Variants in EPB41 observed in about 807,000 individuals in gnomAD.
EPB41 encodes erythrocyte membrane protein band 4.1.
A neutral mutation model predicts 108.0 loss-of-function variants in EPB41; 65 were observed. The ratio of observed to expected loss-of-function variants is 0.60; its 90% CI spans 0.49 to 0.74. EPB41 has a LOEUF of 0.74. EPB41 is among the 30% of genes least tolerant of loss of function. The pLI is 0.00. For synonymous variants in EPB41, 336 were observed against 358.9 expected, an observed-to-expected ratio of 0.94 and a Z score of 0.72; for missense variants, 875 against 1,037.0, an observed-to-expected ratio of 0.84 and a Z score of 2.15.
chr1:28,951,274 G>A (rs1322720569), intron 1 of EPB41, among the ~76,000 whole-genome samples: 2 of 151,814 alleles, frequency 1.3e-5, no homozygotes, highest in East Asian at 3.9e-4. Context: ...AGTGGCATGG[G>A]CCTGTAGTCA....
At chr1:28,888,060 C>G (rs1005046775) in intron 1 of EPB41, among the ~76,000 whole-genome samples, 2 of 152,258 alleles carry the variant, frequency 1.3e-5, no homozygotes, top group African/African-American at 4.8e-5. Flanking sequence ...AGGCAGGGAC[C>G]TGTCCAGACC....
At chr1:29,001,739 G>A (rs2096296328) in intron 4 of EPB41, among the ~76,000 whole-genome samples, 1 of 152,126 alleles carries the variant, frequency 6.6e-6, no homozygotes, top group Non-Finnish European at 1.5e-5. Flanking sequence ...TTGATCTTTT[G>A]TATGACTTTT....
intron 11 of EPB41, among the ~76,000 whole-genome samples, chr1:29,051,605 TAA>T (rs1345914121): frequency 2.0e-5 from 3 of 152,092 alleles, no homozygotes; most frequent in Admixed American, 6.6e-5. Flanking sequence ...GATTAAAATA[TAA>T]GAGTCTTGGC....
rs1315360536 is a variant in EPB41, at chr1:29,118,835, C to G, written c.*2023C>G. The G allele has an allele frequency of 1.3e-5, 2 of 152,214 alleles. No homozygotes were observed. The highest frequency in any genetic ancestry group is 2.9e-5 in the Non-Finnish European group (2 of 68,054). The allele number at this position is 152,214 out of a possible 1,614,324, so 9.4% of individuals were successfully genotyped here. A position where few individuals can be genotyped will look rare whatever the true frequency, so the allele number is the denominator to read the frequency against. ...TAGTGCCCAAGCCTGGTCGTGTTGC[C>G]AGGAGTGGTGACAAGAAATGCAGCT... On this transcript the variant is annotated 3_prime_UTR_variant, in exon 21 of 21. Transcript: ENST00000343067.
rs1000130058 is a variant in EPB41 at position 28,971,180 on chromosome 1, CTTTTTTTTTTTTT to C, written c.-7-16240_-7-16228del. On this transcript the variant is annotated intron_variant, in intron 1 of 20. Transcript: ENST00000343067. ...ATCTTTTTTTTTTCTTTCTTTCTTT[CTTTTTTTTTTTTT>C]TTTTTTTTTTGGGACAGTGTCCCTC... Among the ~76,000 whole-genome samples the C allele has an allele frequency of 7.9e-3, 526 of 66,354 alleles. 3 individuals carry two copies. Among genetic ancestry groups the C allele is most frequent in the African/African-American group, 0.033 (503 of 15,316 alleles). The allele number at this position is 66,354 out of a possible 152,430, so 43.5% of individuals were successfully genotyped here.
At chr1:29,012,847 C>T (rs1335641363) in intron 5 of EPB41, among the ~76,000 whole-genome samples, 2 of 152,028 alleles carry the variant, frequency 1.3e-5, no homozygotes, top group Admixed American at 6.6e-5. Context: ...TGCTTTCTAC[C>T]TATAAAAGCT....
chr1:29,104,105 C>T (rs1349676523), intron 17 of EPB41, among the ~76,000 whole-genome samples: 1 of 152,190 alleles, frequency 6.6e-6, no homozygotes, highest in Admixed American at 6.5e-5. Flanking sequence ...CGCCATGTGC[C>T]TCAGTTTCCT....
At chr1:29,069,529 T>A (rs1252236387) in intron 16 of EPB41, 15 of 931,692 alleles carry the variant, frequency 1.6e-5, no homozygotes, top group Non-Finnish European at 1.9e-5. Context: ...TTAAAATGTA[T>A]AAGATTAAGA....
At chr1:28,904,458 AT>A (rs1177577056) in intron 1 of EPB41, among the ~76,000 whole-genome samples, 2 of 152,136 alleles carry the variant, frequency 1.3e-5, no homozygotes, top group Non-Finnish European at 2.9e-5. Flanking sequence ...TCTCCACATC[AT>A]TTGACCCTTC....
chr1:29,063,744 AAC>A (rs1239404334), intron 15 of EPB41, among the ~76,000 whole-genome samples: 15 of 152,210 alleles, frequency 9.9e-5, no homozygotes, highest in Admixed American at 9.2e-4. Context: ...ATATATAATA[AAC>A]ACAGAATTTT....
intron 1 of EPB41, among the ~76,000 whole-genome samples, chr1:28,983,479 C>A (rs938917386): frequency 6.6e-6 from 1 of 152,044 alleles, no homozygotes; most frequent in Non-Finnish European, 1.5e-5. Context: ...AATCTCAGGC[C>A]CCTTTCCAGA....
chr1:29,086,275 CTTTT>C, intron 16 of EPB41, among the ~76,000 whole-genome samples: 1 of 137,226 alleles, frequency 7.3e-6, no homozygotes, highest in Admixed American at 7.4e-5. Flanking sequence ...TTTGTCTTTC[CTTTT>C]TTTTTTTTTT....
At chr1:28,974,350 T>C (rs1033896982) in intron 1 of EPB41, among the ~76,000 whole-genome samples, 1 of 152,174 alleles carries the variant, frequency 6.6e-6, no homozygotes, top group African/African-American at 2.4e-5. Flanking sequence ...TAAGCTGTTT[T>C]AGAATTTCAT....
chr1:29,062,696 G>A (rs1219083783), intron 15 of EPB41, among the ~76,000 whole-genome samples: 33 of 98,082 alleles, frequency 3.4e-4, no homozygotes, highest in South Asian at 9.7e-4. Context: ...CTCCTACCCC[G>A]CCCCCACTAA....
chr1:29,024,136 AC>A (rs1398677574), intron 7 of EPB41, among the ~76,000 whole-genome samples: 1 of 151,566 alleles, frequency 6.6e-6, no homozygotes, highest in Non-Finnish European at 1.5e-5. Context: ...AGAGATTGAG[AC>A]CATCCTAGCC....
intron 4 of EPB41, among the ~76,000 whole-genome samples, chr1:29,007,511 G>T (rs892582429): frequency 6.6e-6 from 1 of 152,146 alleles, no homozygotes; most frequent in Non-Finnish European, 1.5e-5. Context: ...AGTAATAAGC[G>T]AAAGTTTCAG....
intron 18 of EPB41, among the ~76,000 whole-genome samples, chr1:29,111,132 A>T (rs1454682716): frequency 6.6e-6 from 1 of 151,682 alleles, no homozygotes; most frequent in South Asian, 2.1e-4. Flanking sequence ...ATGCCACTGC[A>T]CTCTAGCCTG....
intron 18 of EPB41, among the ~76,000 whole-genome samples, chr1:29,110,355 A>AAAAAC (rs1297487155): frequency 6.6e-6 from 1 of 152,212 alleles, no homozygotes; most frequent in African/African-American, 2.4e-5. Context: ...CTATCTCTGT[A>AAAAAC]AAAACAAAAC....
chr1:28,905,538 C>A (rs1413195819), intron 1 of EPB41, among the ~76,000 whole-genome samples: 1 of 151,798 alleles, frequency 6.6e-6, no homozygotes, highest in Non-Finnish European at 1.5e-5. Flanking sequence ...TGCTGTCTCT[C>A]CACCATGTAA....
Sources: gnomAD v4.1 joint callset for allele counts (sites outside exome capture counted in the v4.1 genomes callset) on GRCh38, gnomAD v4.1.1 for gene constraint, MANE v1.5 for transcripts, NCBI Gene and HGNC (gene_info 2026-07-23, HGNC 2026-07-21) for gene names.